VKORC1L1: variants seen among roughly 807,000 people sequenced by gnomAD.
VKORC1L1 encodes the protein vitamin K epoxide reductase complex subunit 1L1, also known as vitamin K epoxide reductase complex subunit 1-like protein 1.
VKORC1L1 carries 2 observed loss-of-function variants against 18.9 expected under a neutral mutation model. That is an observed-to-expected ratio of 0.11 (90% CI 0.04 to 0.33). The LOEUF (loss-of-function observed/expected upper bound fraction) is 0.33. Ranked by LOEUF, VKORC1L1 falls within the 10% of genes least tolerant of loss-of-function variation. VKORC1L1 has a pLI of 1.00. For synonymous variants in VKORC1L1, 96 were observed against 100.0 expected, an observed-to-expected ratio of 0.96 and a Z score of 0.24; for missense variants, 123 against 224.1, an observed-to-expected ratio of 0.55 and a Z score of 2.88.
At chr7:65,922,473 G>T (rs1358960086) in intron 1 of VKORC1L1, among the ~76,000 whole-genome samples, 1 of 151,958 alleles carries the variant, frequency 6.6e-6, no homozygotes, top group Non-Finnish European at 1.5e-5. Flanking sequence ...TACTAGAGAC[G>T]GGGCTTTGCC....
At chr7:65,879,827 CT>C (rs370958238) in intron 1 of VKORC1L1, among the ~76,000 whole-genome samples, 8 of 139,450 alleles carry the variant, frequency 5.7e-5, no homozygotes, top group East Asian at 2.1e-4. Flanking sequence ...CTTTCCTTTC[CT>C]TTTTTTTTCT....
chr7:65,892,695 CATGAAG>C (rs544137034), intron 1 of VKORC1L1, among the ~76,000 whole-genome samples: 2 of 152,122 alleles, frequency 1.3e-5, no homozygotes, highest in Non-Finnish European at 2.9e-5. Context: ...TTCTAGATGA[CATGAAG>C]ATGATGATGA....
Position 65,954,729 on chromosome 7 carries a change from T to C in VKORC1L1, c.*429T>C, listed in dbSNP as rs2115760538. 1 of 180,572 alleles carries C rather than the reference T, an allele frequency of 5.5e-6. No individual in the cohort carries two copies. The highest frequency in any genetic ancestry group is 1.4e-4 in the South Asian group (1 of 6,958). The allele number at this position is 180,572 out of a possible 1,614,324, so 11.2% of individuals were successfully genotyped here. The stretch of plus-strand genomic sequence containing the variant: ...TAAATATTGCCATGTTTACAATATG[T>C]AATATGTTTTTAGCCGATGGATTTA... On this transcript the variant is annotated 3_prime_UTR_variant, in exon 3 of 3. Coordinates refer to ENST00000360768, the MANE Select transcript of VKORC1L1 (RefSeq NM_173517.6).
chr7:65,933,400 C>T (rs570579510), intron 1 of VKORC1L1, among the ~76,000 whole-genome samples: 1 of 152,086 alleles, frequency 6.6e-6, no homozygotes, highest in Admixed American at 6.5e-5. Context: ...CTGGTAAGTT[C>T]CCTTGTCCTG....
intron 2 of VKORC1L1, among the ~76,000 whole-genome samples, chr7:65,950,129 T>C (rs1790188858): frequency 1.3e-5 from 2 of 152,196 alleles, no homozygotes; most frequent in African/African-American, 4.8e-5. Context: ...CCTGGAAAAA[T>C]TGCTAATAGT....
intron 2 of VKORC1L1, 24 bp from the exon 3 acceptor site, chr7:65,954,050 G>T: frequency 6.4e-7 from 1 of 1,571,456 alleles, no homozygotes; most frequent in South Asian, 1.2e-5. Flanking sequence ...AGGCCTGACT[G>T]AGCCTGCGTC....
intron 1 of VKORC1L1, among the ~76,000 whole-genome samples, chr7:65,897,522 A>T (rs1040256083): frequency 6.6e-6 from 1 of 152,192 alleles, no homozygotes; most frequent in Non-Finnish European, 1.5e-5. Flanking sequence ...ATAAGAATGA[A>T]TGAATTACAG....
chr7:65,927,507 A>G (rs948230760), intron 1 of VKORC1L1, among the ~76,000 whole-genome samples: 4 of 152,184 alleles, frequency 2.6e-5, no homozygotes, highest in Non-Finnish European at 5.9e-5. Flanking sequence ...GAATGGACTC[A>G]GAGACCAGGA....
chr7:65,869,345 TAAAA>T (rs548721649), upstream of VKORC1L1, among the ~76,000 whole-genome samples: 1 of 151,852 alleles, frequency 6.6e-6, no homozygotes, highest in African/African-American at 2.4e-5. Context: ...ATAAAAATTG[TAAAA>T]AAAGCACACG....
chr7:65,937,341 G>T (rs927273167), intron 1 of VKORC1L1, among the ~76,000 whole-genome samples: 1 of 152,176 alleles, frequency 6.6e-6, no homozygotes, highest in Non-Finnish European at 1.5e-5. Flanking sequence ...AGAGCAGCTT[G>T]TAGTGGGCAT....
intron 2 of VKORC1L1, among the ~76,000 whole-genome samples, chr7:65,953,730 G>T (rs1790249302): frequency 6.6e-6 from 1 of 152,178 alleles, no homozygotes. Flanking sequence ...GCCAGGCGTG[G>T]TGGCACGTGC....
intron 1 of VKORC1L1, among the ~76,000 whole-genome samples, chr7:65,879,050 CTT>C (rs143436620): frequency 0.037 from 5,675 of 152,306 alleles, 162 homozygotes; most frequent in East Asian, 0.09. Flanking sequence ...CGCTGTGAAA[CTT>C]TTCAGAGCCG....
chr7:65,955,931 T>C lies in VKORC1L1; in HGVS notation c.*1631T>C, dbSNP rs1052420346. On this transcript the variant is annotated 3_prime_UTR_variant, in exon 3 of 3. Coordinates refer to ENST00000360768, the MANE Select transcript of VKORC1L1 (RefSeq NM_173517.6). ...GTAGAGTCAGCAACAATTCCGTAGCTTCCAACTGACTCAGAATTGATGCAA... is the reference window on the plus strand; with the variant it reads ...GTAGAGTCAGCAACAATTCCGTAGCCTCCAACTGACTCAGAATTGATGCAA... The C allele has an allele frequency of 3.3e-5, 5 of 152,240 alleles. No individual in the cohort carries two copies. The highest frequency in any genetic ancestry group is 1.2e-4 in the African/African-American group (5 of 41,468). 9.4% of individuals were successfully genotyped at this position (152,240 alleles called of 1,614,324 possible).
At chr7:65,876,064 C>G (rs1349326372) in intron 1 of VKORC1L1, among the ~76,000 whole-genome samples, 1 of 152,024 alleles carries the variant, frequency 6.6e-6, no homozygotes, top group African/African-American at 2.4e-5. Context: ...ATGGAAAGTT[C>G]CAGATTTTAT....
At chr7:65,953,599 T>G (rs1790247592) in intron 2 of VKORC1L1, among the ~76,000 whole-genome samples, 1 of 152,224 alleles carries the variant, frequency 6.6e-6, no homozygotes. Flanking sequence ...ATCACAGCTA[T>G]AAAACTGGCA....
At chr7:65,910,777 T>C (rs902857708) in intron 1 of VKORC1L1, among the ~76,000 whole-genome samples, 2 of 152,198 alleles carry the variant, frequency 1.3e-5, no homozygotes. Flanking sequence ...GTAAGTGATA[T>C]TCACTTGTTC....
intron 2 of VKORC1L1, 135 bp downstream of exon 2, chr7:65,948,915 A>G: frequency 8.9e-7 from 1 of 1,128,996 alleles, no homozygotes; most frequent in Non-Finnish European, 1.2e-6. Context: ...TTGTGTTATG[A>G]AAACTTGATT....
chr7:65,918,036 A>G (rs935467603), intron 1 of VKORC1L1, among the ~76,000 whole-genome samples: 1 of 152,214 alleles, frequency 6.6e-6, no homozygotes, highest in Admixed American at 6.5e-5. Flanking sequence ...CTGTCTCGAT[A>G]GTGCCACTGT....
intron 1 of VKORC1L1, among the ~76,000 whole-genome samples, chr7:65,892,796 C>T (rs1232077830): frequency 6.6e-6 from 1 of 152,186 alleles, no homozygotes; most frequent in East Asian, 1.9e-4. Context: ...GTTATGTATA[C>T]CAGGATTTGC....
Sources: gnomAD v4.1 joint callset for allele counts (sites outside exome capture counted in the v4.1 genomes callset) on GRCh38, gnomAD v4.1.1 for gene constraint, MANE v1.5 for transcripts, NCBI Gene and HGNC (gene_info 2026-07-23, HGNC 2026-07-21) for gene names.